KIAA0825: variants seen among roughly 807,000 people sequenced by gnomAD.
KIAA0825 encodes KIAA0825.
A neutral mutation model predicts 147.6 loss-of-function variants in KIAA0825; 119 were observed. That is an observed-to-expected ratio of 0.81 (90% CI 0.69 to 0.94). The LOEUF is 0.94. Among genes scored for constraint, KIAA0825 ranks in the 40% least tolerant of loss-of-function variants. The pLI is 0.00. For missense variants in KIAA0825, 1,381 were observed against 1,472.7 expected (o/e 0.94, Z 1.02); for synonymous variants, 470 against 518.1 (o/e 0.91, Z 1.26).
intron 20 of KIAA0825, among the ~76,000 whole-genome samples, chr5:94,379,458 A>G (rs1379888995): frequency 2.0e-5 from 3 of 152,106 alleles, no homozygotes; most frequent in South Asian, 2.1e-4. Flanking sequence ...CCATTGGTCT[A>G]TGGGTCTGTT....
intron 14 of KIAA0825, among the ~76,000 whole-genome samples, chr5:94,421,424 G>A (rs1209789051): frequency 6.6e-6 from 1 of 152,012 alleles, no homozygotes; most frequent in African/African-American, 2.4e-5. Context: ...TCCATCTCTG[G>A]CTCTGACCTT....
intron 13 of KIAA0825, among the ~76,000 whole-genome samples, chr5:94,446,058 T>G (rs1451250678): frequency 6.6e-6 from 1 of 152,198 alleles, no homozygotes; most frequent in Admixed American, 6.6e-5. Context: ...CTGAGGATAC[T>G]AGAAGTCACC....
At chr5:94,447,240 A>ATGAT (rs2150880532) in intron 13 of KIAA0825, among the ~76,000 whole-genome samples, 1 of 152,212 alleles carries the variant, frequency 6.6e-6, no homozygotes, top group South Asian at 2.1e-4. Context: ...ATTAAAATTA[A>ATGAT]TGATATGGAT....
intron 20 of KIAA0825, among the ~76,000 whole-genome samples, chr5:94,337,159 A>G (rs1781893254): frequency 6.6e-6 from 1 of 152,190 alleles, no homozygotes; most frequent in South Asian, 2.1e-4. Context: ...TTGTATAAAG[A>G]AACATTTTGG....
At chr5:94,565,094 C>CTTTTTTTT (rs1285299381) in intron 2 of KIAA0825, among the ~76,000 whole-genome samples, 1 of 51,908 alleles carries the variant, frequency 1.9e-5, no homozygotes, top group Non-Finnish European at 4.0e-5. Context: ...TTCTTGCTTT[C>CTTTTTTTT]CTTTTTTTTT....
chr5:94,444,979 T>C (rs191769412), intron 13 of KIAA0825, among the ~76,000 whole-genome samples: 1 of 152,092 alleles, frequency 6.6e-6, no homozygotes, highest in Non-Finnish European at 1.5e-5. Flanking sequence ...AAACTTACAA[T>C]AATGGCAGAA....
chr5:94,603,754 G>T (rs186309231), intron 1 of KIAA0825, among the ~76,000 whole-genome samples: 9 of 152,144 alleles, frequency 5.9e-5, no homozygotes, highest in Admixed American at 1.3e-4. Context: ...ATGGAAAACA[G>T]AAAAAAGCAG....
intron 20 of KIAA0825, among the ~76,000 whole-genome samples, chr5:94,233,633 A>G (rs573227610): frequency 5.3e-5 from 8 of 152,282 alleles, no homozygotes; most frequent in Middle Eastern, 3.4e-3. Context: ...GAATTGTGGG[A>G]GGAGTGGTTG....
At position 94,513,142 on chromosome 5, in the gene KIAA0825, A is replaced by C. The variant is rs192472593; in HGVS notation, c.970+7106T>G. Reference sequence around the variant, plus strand: ...ATAGTTTTATTCTAAACTTCTTTTCAGTGACTTTTTTCAATAATTTTCATT... The same window carrying C: ...ATAGTTTTATTCTAAACTTCTTTTCCGTGACTTTTTTCAATAATTTTCATT... On this transcript the variant is annotated intron_variant, in intron 5 of 20. Transcript: ENST00000682413. Among the ~76,000 whole-genome samples, 81 of 152,238 alleles carry C rather than the reference A, an allele frequency of 5.3e-4. 1 individual carries two copies. The highest frequency in any genetic ancestry group is 2.4e-3 in the Admixed American group (36 of 15,288).
chr5:94,353,787 G>T (rs412437), intron 20 of KIAA0825, among the ~76,000 whole-genome samples: 29,607 of 151,946 alleles, frequency 0.19, 3,354 homozygotes, highest in Middle Eastern at 0.25. Flanking sequence ...TACAGCAAAA[G>T]GGTCGGGGGC....
chr5:94,194,732 C>T (rs1327977231), intron 20 of KIAA0825, among the ~76,000 whole-genome samples: 1 of 152,188 alleles, frequency 6.6e-6, no homozygotes, highest in Non-Finnish European at 1.5e-5. Context: ...AAATCCTTCA[C>T]ATATTTCTGG....
intron 20 of KIAA0825, among the ~76,000 whole-genome samples, chr5:94,245,965 A>G (rs1775588054): frequency 6.6e-6 from 1 of 152,158 alleles, no homozygotes; most frequent in South Asian, 2.1e-4. Flanking sequence ...TTTAAGTGTG[A>G]CCTCAATTCT....
At chr5:94,474,558 A>G (rs1761624465) in intron 7 of KIAA0825, among the ~76,000 whole-genome samples, 1 of 152,142 alleles carries the variant, frequency 6.6e-6, no homozygotes, top group South Asian at 2.1e-4. Flanking sequence ...AATTATGATC[A>G]TAAGCCTAAT....
In KIAA0825 at chr5:94,396,560, A is replaced by C. The variant is rs1424901311; in HGVS notation, c.2888-51T>G. 2.9e-6 allele frequency: 4 copies of C among 1,403,394 alleles called. No individual in the cohort carries two copies. The East Asian group carries it at 7.5e-5, about 26-fold the overall frequency. 86.9% of individuals were successfully genotyped at this position (1,403,394 alleles called of 1,614,324 possible). A position where few individuals can be genotyped will look rare whatever the true frequency, so the allele number is the denominator to read the frequency against. On this transcript the variant is annotated intron_variant, in intron 16 of 20. Transcript: ENST00000682413. ...TTAATATTAGCATTTGCGTTCAATC[A>C]CTGCATGGTTTTGTGTTGTATAAGG...
chr5:94,238,602 T>C (rs1182478480), intron 20 of KIAA0825, among the ~76,000 whole-genome samples: 1 of 152,204 alleles, frequency 6.6e-6, no homozygotes, highest in Non-Finnish European at 1.5e-5. Context: ...ATTTTAGTCA[T>C]TTGTGATGGT....
chr5:94,576,769 G>A (rs1781131392), intron 2 of KIAA0825, among the ~76,000 whole-genome samples: 2 of 152,144 alleles, frequency 1.3e-5, no homozygotes, highest in Non-Finnish European at 2.9e-5. Flanking sequence ...TCTACTCACG[G>A]AAGAATCTAT....
At chr5:94,184,679 A>G (rs943419870) in intron 20 of KIAA0825, among the ~76,000 whole-genome samples, 3 of 152,214 alleles carry the variant, frequency 2.0e-5, no homozygotes, top group African/African-American at 7.2e-5. Flanking sequence ...AAAGAAGATT[A>G]AACTTATGAA....
chr5:94,325,018 G>A (rs573559963), intron 20 of KIAA0825, among the ~76,000 whole-genome samples: 40 of 151,842 alleles, frequency 2.6e-4, no homozygotes, highest in Non-Finnish European at 3.5e-4. Context: ...TAAATCCACA[G>A]GATTACAAAT....
chr5:94,271,244 A>G (rs951004164), intron 20 of KIAA0825, among the ~76,000 whole-genome samples: 2 of 152,148 alleles, frequency 1.3e-5, no homozygotes, highest in African/African-American at 4.8e-5. Context: ...AGCACAGTCA[A>G]CCAAAGAAAA....
Sources: gnomAD v4.1 joint callset for allele counts (sites outside exome capture counted in the v4.1 genomes callset) on GRCh38, gnomAD v4.1.1 for gene constraint, MANE v1.5 for transcripts, NCBI Gene and HGNC (gene_info 2026-07-23, HGNC 2026-07-21) for gene names.